Variants in PARD3B observed in about 807,000 individuals in gnomAD.
The protein encoded by PARD3B is par-3 family cell polarity regulator beta.
Under a neutral mutation model 130.2 loss-of-function variants are expected in PARD3B, and 103 were observed. That is an observed-to-expected ratio of 0.79 (90% CI 0.67 to 0.93). The LOEUF is 0.93. PARD3B is among the 40% of genes least tolerant of loss of function. The pLI is 0.00. For synonymous variants in PARD3B, 583 were observed against 553.2 expected (o/e 1.05, Z -0.76); for missense variants, 1,609 against 1,499.2 (o/e 1.07, Z -1.21).
At chr2:205,084,907 T>C (rs1036500728) in intron 4 of PARD3B, among the ~76,000 whole-genome samples, 2 of 152,038 alleles carry the variant, frequency 1.3e-5, no homozygotes, top group African/African-American at 2.4e-5. Flanking sequence ...TTTCCTAATA[T>C]GTTTCATGTA....
rs113435894 is a variant in PARD3B, at chr2:204,851,010, T to C, written c.223-114142T>C. ...GCATTTGGTTTATAGATTGTACTTA[T>C]ATTTTGGCAGAAGTTTTCTTAAAGT... is the stretch of plus-strand genomic sequence containing the variant. On this transcript the variant is annotated intron_variant, in intron 2 of 22. Transcript: ENST00000406610. 4.6e-5 allele frequency among the ~76,000 whole-genome samples: 7 copies of C among 152,322 alleles called. 1 individual carries two copies. Among genetic ancestry groups the C allele is most frequent in the African/African-American group, 1.7e-4 (7 of 41,580 alleles).
At chr2:204,779,239 A>AT (rs1051167479) in intron 2 of PARD3B, among the ~76,000 whole-genome samples, 1 of 152,078 alleles carries the variant, frequency 6.6e-6, no homozygotes, top group South Asian at 2.1e-4. Context: ...CTATATAATT[A>AT]TTTTTTTAGC....
chr2:204,908,232 A>G (rs1411935811), intron 2 of PARD3B, among the ~76,000 whole-genome samples: 2 of 152,238 alleles, frequency 1.3e-5, no homozygotes, highest in South Asian at 2.1e-4. Context: ...ATATGAACAC[A>G]CGTTAATAAT....
chr2:205,472,552 A>G (rs1033807069), intron 20 of PARD3B, among the ~76,000 whole-genome samples: 1 of 152,166 alleles, frequency 6.6e-6, no homozygotes, highest in Non-Finnish European at 1.5e-5. Context: ...GGCTGAAAAA[A>G]ATTGTTGGCT....
intron 20 of PARD3B, among the ~76,000 whole-genome samples, chr2:205,475,845 G>A (rs2049004463): frequency 6.6e-6 from 1 of 152,160 alleles, no homozygotes. Context: ...GAAAGCCTCT[G>A]ATTTGGTGCA....
chr2:205,125,403 T>C lies in PARD3B; in HGVS notation c.1306-206T>C, dbSNP rs534642080. 6.6e-6 allele frequency among the ~76,000 whole-genome samples: 1 copy of C among 152,332 alleles called. No homozygotes were observed. The highest frequency in any genetic ancestry group is 1.9e-4 in the East Asian group (1 of 5,186). On this transcript the variant is annotated intron_variant, in intron 9 of 22. Transcript: ENST00000406610. This position sits in a 1 kb window ranked among gnomAD's most constrained non-coding sequence, Gnocchi z 4.0. ...GATGTCTTAGGAAAAACTGCTGATA[T>C]TAATTACCGACTCTGAGTTCATCCA...
intron 19 of PARD3B, among the ~76,000 whole-genome samples, chr2:205,428,078 C>T (rs2047204829): frequency 1.3e-5 from 2 of 152,172 alleles, no homozygotes; most frequent in Admixed American, 6.6e-5. Flanking sequence ...ATGGGATTAG[C>T]GTCCATATAA....
At chr2:205,108,789 A>C (rs1703419493) in intron 5 of PARD3B, among the ~76,000 whole-genome samples, 1 of 152,126 alleles carries the variant, frequency 6.6e-6, no homozygotes, top group Non-Finnish European at 1.5e-5. Flanking sequence ...GGGTGCAATA[A>C]ATCACTATTT....
intron 5 of PARD3B, among the ~76,000 whole-genome samples, chr2:205,110,118 C>T (rs73057184): frequency 0.24 from 37,194 of 151,972 alleles, 4,774 homozygotes; most frequent in East Asian, 0.39. Flanking sequence ...AAATAAATTA[C>T]CCCCGGCTCC....
At chr2:205,596,809 T>C (rs1004077135) in intron 22 of PARD3B, among the ~76,000 whole-genome samples, 2 of 151,984 alleles carry the variant, frequency 1.3e-5, no homozygotes, top group Non-Finnish European at 2.9e-5. Context: ...CTGCCCTCCC[T>C]GCAATTGAGA....
intron 3 of PARD3B, among the ~76,000 whole-genome samples, chr2:204,977,734 C>G (rs545922507): frequency 2.5e-4 from 37 of 151,020 alleles, no homozygotes; most frequent in Middle Eastern, 6.8e-3. Context: ...ATGGCGTGAG[C>G]CCGGGAGGCG....
At chr2:204,900,017 A>T (rs1332726650) in intron 2 of PARD3B, among the ~76,000 whole-genome samples, 2 of 150,790 alleles carry the variant, frequency 1.3e-5, no homozygotes, top group East Asian at 3.9e-4. Context: ...ATTTCCTTTC[A>T]CTTGATGCTT....
At position 205,176,608 on chromosome 2, in the gene PARD3B, A is replaced by T; in HGVS notation, c.1924+31A>T. The stretch of plus-strand genomic sequence containing the variant: ...AGTCTATTCATTTTATCCACTGCAA[A>T]TGGAGTGAGAAAACACAAAAGTGTC... On this transcript the variant is annotated intron_variant, in intron 13 of 22. Coordinates refer to ENST00000406610, the MANE Select transcript of PARD3B (RefSeq NM_001302769.2). This position sits in a 1 kb window ranked among gnomAD's most constrained non-coding sequence, Gnocchi z 5.3. 1 of 1,544,832 alleles carries T rather than the reference A, an allele frequency of 6.5e-7. No homozygotes were observed. Among genetic ancestry groups the T allele is most frequent in the East Asian group, 2.3e-5 (1 of 42,740 alleles).
At chr2:205,615,117 T>C (rs1055952123) in intron 22 of PARD3B, among the ~76,000 whole-genome samples, 1 of 152,174 alleles carries the variant, frequency 6.6e-6, no homozygotes, top group Non-Finnish European at 1.5e-5. Flanking sequence ...GAAGTGTATT[T>C]TCCTCTCATG....
intron 16 of PARD3B, among the ~76,000 whole-genome samples, chr2:205,295,380 CATT>C (rs2041752217): frequency 6.6e-6 from 1 of 152,124 alleles, no homozygotes. Flanking sequence ...CCCTGGATGG[CATT>C]ATAATAATCT....
intron 1 of PARD3B, among the ~76,000 whole-genome samples, chr2:204,614,977 A>G (rs1213295202): frequency 6.6e-6 from 1 of 152,086 alleles, no homozygotes; most frequent in African/African-American, 2.4e-5. Flanking sequence ...CAAATTACTC[A>G]CTTTTATGTG....
chr2:205,170,140 G>T (rs1420972376), intron 11 of PARD3B, among the ~76,000 whole-genome samples: 1 of 152,100 alleles, frequency 6.6e-6, no homozygotes, highest in Non-Finnish European at 1.5e-5. Context: ...ATGTTGGTCA[G>T]ACTGGTCTCG....
chr2:204,865,877 A>C (rs767390084), intron 2 of PARD3B, among the ~76,000 whole-genome samples: 4 of 152,194 alleles, frequency 2.6e-5, no homozygotes, highest in Non-Finnish European at 5.9e-5. Flanking sequence ...ATCCATTTTC[A>C]CCATTTATAA....
intron 21 of PARD3B, among the ~76,000 whole-genome samples, chr2:205,549,974 G>A (rs934179016): frequency 6.6e-6 from 1 of 152,136 alleles, no homozygotes; most frequent in Non-Finnish European, 1.5e-5. Context: ...TTGCAGTGGT[G>A]GTGGTAACAG....
Sources: gnomAD v4.1 joint callset for allele counts (sites outside exome capture counted in the v4.1 genomes callset) on GRCh38, gnomAD v4.1.1 for gene constraint, Gnocchi (gnomAD v3.1) non-coding constraint, MANE v1.5 for transcripts, NCBI Gene and HGNC (gene_info 2026-07-23, HGNC 2026-07-21) for gene names.